DPP10: variants seen among roughly 807,000 people sequenced by gnomAD.
The protein encoded by DPP10 is inactive dipeptidyl peptidase 10.
DPP10 carries 33 observed loss-of-function variants against 120.9 expected under a neutral mutation model. The ratio of observed to expected loss-of-function variants is 0.27; its 90% CI spans 0.21 to 0.37. The LOEUF is 0.37. Among genes scored for constraint, DPP10 ranks in the 10% least tolerant of loss-of-function variants. DPP10 has a pLI of 1.00. For missense variants in DPP10, 816 were observed against 942.8 expected (o/e 0.87, Z 1.76); for synonymous variants, 337 against 326.1 (o/e 1.03, Z -0.36).
chr2:115,736,665 T>C (rs945656731), intron 8 of DPP10, among the ~76,000 whole-genome samples: 7 of 152,082 alleles, frequency 4.6e-5, no homozygotes, highest in Non-Finnish European at 1.0e-4. Context: ...CTCATTACAT[T>C]ATCTCAAAAA....
chr2:115,627,690 C>G (rs1285176121), intron 5 of DPP10, among the ~76,000 whole-genome samples: 1 of 152,058 alleles, frequency 6.6e-6, no homozygotes, highest in South Asian at 2.1e-4. Flanking sequence ...CCCCTCACCC[C>G]CTCAAAGGGC....
intron 7 of DPP10, among the ~76,000 whole-genome samples, chr2:115,699,332 T>C (rs766745163): frequency 1.1e-4 from 16 of 152,188 alleles, no homozygotes; most frequent in Non-Finnish European, 2.1e-4. Context: ...GGGTGAATTC[T>C]ACTAAACATT....
intron 1 of DPP10, among the ~76,000 whole-genome samples, chr2:114,509,091 G>T (rs753226102): frequency 7.2e-5 from 11 of 152,162 alleles, no homozygotes; most frequent in Admixed American, 4.6e-4. Flanking sequence ...TAAGAGACTA[G>T]ATTTCAAGAC....
At chr2:115,008,179 A>G (rs2105062863) in intron 1 of DPP10, among the ~76,000 whole-genome samples, 2 of 130,610 alleles carry the variant, frequency 1.5e-5, no homozygotes, top group East Asian at 2.2e-4. Context: ...TTCAAACTAT[A>G]CTACAAGGCT....
At chr2:115,395,795 G>A (rs1014780845) in intron 3 of DPP10, among the ~76,000 whole-genome samples, 22 of 151,562 alleles carry the variant, frequency 1.5e-4, no homozygotes, top group Admixed American at 1.4e-3. Flanking sequence ...CATACAGCTC[G>A]ATTGTCTCCC....
intron 1 of DPP10, among the ~76,000 whole-genome samples, chr2:115,056,003 G>A (rs1213730639): frequency 6.6e-6 from 1 of 152,110 alleles, no homozygotes; most frequent in Non-Finnish European, 1.5e-5. Flanking sequence ...AAATTATAAA[G>A]AATGCAATAG....
chr2:114,709,803 G>T (rs1030825267), intron 1 of DPP10, among the ~76,000 whole-genome samples: 2 of 152,156 alleles, frequency 1.3e-5, no homozygotes, highest in African/African-American at 4.8e-5. Flanking sequence ...CCTCCTTGCA[G>T]ATGGATCCCT....
Position 114,663,640 on chromosome 2 carries a change from G to GATATAT in DPP10, c.60+220826_60+220831dup, listed in dbSNP as rs748891458. Among the ~76,000 whole-genome samples, 91 of 107,850 alleles carry GATATAT rather than the reference G, an allele frequency of 8.4e-4. 2 individuals are homozygous for GATATAT. The highest frequency in any genetic ancestry group is 2.4e-3 in the African/African-American group (49 of 20,388). 70.8% of individuals were successfully genotyped at this position (107,850 alleles called of 152,430 possible). A position where few individuals can be genotyped will look rare whatever the true frequency, so the allele number is the denominator to read the frequency against. On this transcript the variant is annotated intron_variant, in intron 1 of 25. Transcript: ENST00000410059. Reference sequence around the variant, plus strand: ...ATATATGTCTATATATACATGTACAGATATATATATATATATATATATATA... The same window carrying GATATAT: ...ATATATGTCTATATATACATGTACAGATATATATATATATATATATATATATATATA...
At chr2:115,751,867 C>T (rs1278888121) in intron 10 of DPP10, among the ~76,000 whole-genome samples, 7 of 150,734 alleles carry the variant, frequency 4.6e-5, no homozygotes, top group African/African-American at 1.7e-4. Flanking sequence ...GGCACGATCT[C>T]GGCTCACTGC....
intron 1 of DPP10, among the ~76,000 whole-genome samples, chr2:114,626,368 T>TAAACA (rs1384644192): frequency 6.6e-6 from 1 of 152,126 alleles, no homozygotes; most frequent in Non-Finnish European, 1.5e-5. Context: ...GGATATTTAA[T>TAAACA]GAAGTTTATC....
intron 1 of DPP10, among the ~76,000 whole-genome samples, chr2:114,638,802 A>G (rs1198457046): frequency 6.6e-6 from 1 of 151,882 alleles, no homozygotes. Context: ...ATCCAAAATA[A>G]CATAAATTTT....
In DPP10 at chr2:115,374,765, T is replaced by G. The variant is rs914785828; in HGVS notation, c.271+30853T>G. On this transcript the variant is annotated intron_variant, in intron 3 of 25. Transcript: ENST00000410059. ...TGTGGAAGCCACCAAGACTTGAGGCTTGCACCCTCTGAACCAATGATCTGA... is the reference window on the plus strand; with the variant it reads ...TGTGGAAGCCACCAAGACTTGAGGCGTGCACCCTCTGAACCAATGATCTGA... Among the ~76,000 whole-genome samples, 4 of 152,324 alleles carry G rather than the reference T, an allele frequency of 2.6e-5. No homozygotes were observed. The South Asian group carries it at 8.3e-4, about 32-fold the overall frequency.
intron 4 of DPP10, among the ~76,000 whole-genome samples, chr2:115,523,714 A>G (rs1363842019): frequency 6.6e-6 from 1 of 152,122 alleles, no homozygotes; most frequent in Non-Finnish European, 1.5e-5. Flanking sequence ...GTTAATTTCT[A>G]TCAAATTTCA....
intron 1 of DPP10, among the ~76,000 whole-genome samples, chr2:115,025,775 A>G (rs1184377854): frequency 2.6e-5 from 4 of 151,964 alleles, no homozygotes; most frequent in African/African-American, 9.7e-5. Context: ...TTTTTTTTAT[A>G]TATACCTCTT....
intron 1 of DPP10, among the ~76,000 whole-genome samples, chr2:114,848,076 G>A (rs1688678984): frequency 6.6e-6 from 1 of 152,154 alleles, no homozygotes; most frequent in Non-Finnish European, 1.5e-5. Flanking sequence ...ATGGCCTTAC[G>A]CCCAGGGCAG....
intron 1 of DPP10, among the ~76,000 whole-genome samples, chr2:115,052,162 A>G (rs1705540149): frequency 6.6e-6 from 1 of 152,110 alleles, no homozygotes; most frequent in Non-Finnish European, 1.5e-5. Flanking sequence ...ATCTCTCACT[A>G]CATAGAAAAA....
chr2:115,264,061 TTC>T (rs1262188711), intron 1 of DPP10, among the ~76,000 whole-genome samples: 1 of 152,188 alleles, frequency 6.6e-6, no homozygotes, highest in Non-Finnish European at 1.5e-5. Context: ...AATAGAATTA[TTC>T]ACTAAGAAGA....
chr2:114,644,523 T>G (rs540416319), intron 1 of DPP10, among the ~76,000 whole-genome samples: 1 of 152,054 alleles, frequency 6.6e-6, no homozygotes, highest in East Asian at 1.9e-4. Context: ...CTCTCATTGC[T>G]GATGGTCTAA....
chr2:115,482,981 C>T (rs1045894550), intron 3 of DPP10, among the ~76,000 whole-genome samples: 4 of 151,874 alleles, frequency 2.6e-5, no homozygotes, highest in African/African-American at 9.7e-5. Flanking sequence ...TACATAAATA[C>T]CAAATATATA....
Sources: allele counts gnomAD v4.1 joint callset (sites outside exome capture counted in the v4.1 genomes callset), GRCh38; gene constraint gnomAD v4.1.1; transcripts MANE v1.5; gene names NCBI Gene and HGNC (gene_info 2026-07-23, HGNC 2026-07-21).